The following MAGI1 variants were observed in gnomAD, a reference collection of about 807,000 sequenced individuals.
MAGI1 encodes the protein membrane-associated guanylate kinase, WW and PDZ domain-containing protein 1.
MAGI1 carries 58 observed loss-of-function variants against 139.9 expected under a neutral mutation model. That is an observed-to-expected ratio of 0.41 (90% CI 0.34 to 0.52). The LOEUF (loss-of-function observed/expected upper bound fraction) is 0.52, where lower values mean the gene tolerates loss of function less well. Among genes scored for constraint, MAGI1 ranks in the 20% least tolerant of loss-of-function variants. MAGI1 has a pLI of 0.12. For missense variants in MAGI1, 1,874 were observed against 1,901.6 expected (o/e 0.99, Z 0.27); for synonymous variants, 812 against 737.9 (o/e 1.10, Z -1.63).
intron 1 of MAGI1, among the ~76,000 whole-genome samples, chr3:66,013,873 GATTTGACTGAAGACTT>G (rs1447851503): frequency 1.3e-5 from 2 of 152,034 alleles, no homozygotes; most frequent in South Asian, 2.1e-4. Flanking sequence ...CATCGTCAAT[GATTTGACTGAAGACTT>G]ATTTAAGTAA....
At chr3:65,899,371 A>C (rs1232491027) in intron 1 of MAGI1, among the ~76,000 whole-genome samples, 1 of 152,206 alleles carries the variant, frequency 6.6e-6, no homozygotes, top group African/African-American at 2.4e-5. Flanking sequence ...TCTCTTTACA[A>C]TTCTTACTAA....
chr3:65,956,483 C>G (rs143288498), intron 1 of MAGI1, among the ~76,000 whole-genome samples: 1 of 152,308 alleles, frequency 6.6e-6, no homozygotes, highest in East Asian at 1.9e-4. Context: ...GCCCTTCAAC[C>G]AGGGTTAAAG....
At chr3:65,550,279 T>C (rs1202352994) in intron 2 of MAGI1, among the ~76,000 whole-genome samples, 1 of 152,188 alleles carries the variant, frequency 6.6e-6, no homozygotes, top group East Asian at 1.9e-4. Flanking sequence ...GGTTAAGTAA[T>C]TGCCAAAGGT....
At chr3:65,847,830 T>G (rs2059059270) in intron 1 of MAGI1, among the ~76,000 whole-genome samples, 1 of 152,208 alleles carries the variant, frequency 6.6e-6, no homozygotes. Flanking sequence ...TCAGCCTAAC[T>G]AAGGAATTTG....
chr3:65,840,578 T>C (rs2058770244), intron 1 of MAGI1, among the ~76,000 whole-genome samples: 1 of 152,210 alleles, frequency 6.6e-6, no homozygotes, highest in Non-Finnish European at 1.5e-5. Context: ...GATTTCTAAA[T>C]ACTGAACCAG....
At chr3:65,496,278 A>G (rs1469059888) in intron 2 of MAGI1, among the ~76,000 whole-genome samples, 1 of 151,778 alleles carries the variant, frequency 6.6e-6, no homozygotes, top group East Asian at 1.9e-4. Context: ...CCTGGCTTCA[A>G]GCAGTCCTCC....
chr3:65,501,509 G>C (rs2077082405), intron 2 of MAGI1, among the ~76,000 whole-genome samples: 1 of 142,776 alleles, frequency 7.0e-6, no homozygotes, highest in South Asian at 2.3e-4. Context: ...TAAATACTTA[G>C]CCACCACAAA....
intron 3 of MAGI1, among the ~76,000 whole-genome samples, chr3:65,493,247 G>C (rs183596796): frequency 1.3e-5 from 2 of 152,010 alleles, no homozygotes; most frequent in Admixed American, 1.3e-4. Context: ...GCACATGTCC[G>C]TATTAAAAAC....
intron 1 of MAGI1, among the ~76,000 whole-genome samples, chr3:65,623,001 G>A (rs991532927): frequency 6.6e-6 from 1 of 152,084 alleles, no homozygotes; most frequent in Non-Finnish European, 1.5e-5. Flanking sequence ...GTTGACATTG[G>A]GAGAAAATGT....
rs868758136 is a variant in MAGI1 at position 66,038,267 on chromosome 3, C to T, written c.42G>A (p.Arg14=). ...CCCGCTTCACGGTGCATTCGTGAAC[C>T]CTGCTAGTCCAGTGGTTCTTCTTCT... is the stretch of plus-strand genomic sequence containing the variant. ...VIQKKNHWTS[R]VHECTVKRGP... The change falls in exon 1 of 23, where the codon AGG becomes AGA. Residue 14 remains arginine (R), a synonymous_variant. Coordinates refer to ENST00000402939, the MANE Select transcript of MAGI1 (RefSeq NM_001033057.2). 1.2e-6 allele frequency: 2 copies of T among 1,604,532 alleles called. No homozygotes were observed. The highest frequency in any genetic ancestry group is 1.7e-5 in the Admixed American group (1 of 59,228).
intron 1 of MAGI1, among the ~76,000 whole-genome samples, chr3:66,019,254 C>T (rs2067837126): frequency 6.6e-6 from 1 of 152,120 alleles, no homozygotes; most frequent in African/African-American, 2.4e-5. Flanking sequence ...GCAGGGTTTC[C>T]CAATCTTGCT....
intron 12 of MAGI1, among the ~76,000 whole-genome samples, chr3:65,419,221 T>TACACACACACACAC (rs71102854): frequency 4.6e-4 from 40 of 86,274 alleles, no homozygotes; most frequent in African/African-American, 2.1e-3. Flanking sequence ...AACACATTCA[T>TACACACACACACAC]ACACACACAC....
intron 1 of MAGI1, among the ~76,000 whole-genome samples, chr3:65,923,226 C>CT (rs72035925): frequency 0.71 from 99,005 of 139,680 alleles, 35,820 homozygotes; most frequent in East Asian, 0.93. Flanking sequence ...CAACAGACAT[C>CT]TTTTTTTTTT....
rs2064669726 is a variant in MAGI1, at chr3:65,965,022, GGCATAATTA to G, written c.313+72965_313+72973del. 2.0e-5 allele frequency among the ~76,000 whole-genome samples: 3 copies of G among 152,184 alleles called. 1 individual carries two copies. The South Asian group carries it at 6.2e-4, about 32-fold the overall frequency. ...ACAAGCACATTCGCCAAAGCCCCAA[GGCATAATTA>G]GCCTTGCTCTAAAACTTTCCTAAGT... On this transcript the variant is annotated intron_variant, in intron 1 of 22. Transcript: ENST00000402939.
intron 1 of MAGI1, among the ~76,000 whole-genome samples, chr3:65,837,262 G>C (rs1390237): frequency 0.59 from 90,302 of 152,120 alleles, 27,635 homozygotes; most frequent in East Asian, 0.95. Context: ...CCTGCCTGGC[G>C]CTGCCCACCT....
At chr3:65,817,608 G>C (rs1056219493) in intron 1 of MAGI1, among the ~76,000 whole-genome samples, 2 of 152,180 alleles carry the variant, frequency 1.3e-5, no homozygotes, top group African/African-American at 4.8e-5. Context: ...GATGAAGCCA[G>C]GTTAACAACT....
chr3:65,841,868 C>T (rs1400951440), intron 1 of MAGI1, among the ~76,000 whole-genome samples: 1 of 152,206 alleles, frequency 6.6e-6, no homozygotes, highest in East Asian at 1.9e-4. Context: ...GAATAAAAAA[C>T]CATATTACAA....
chr3:65,738,981 C>T (rs2035024903), intron 1 of MAGI1, among the ~76,000 whole-genome samples: 1 of 152,190 alleles, frequency 6.6e-6, no homozygotes, highest in Non-Finnish European at 1.5e-5. Flanking sequence ...TACCACCTAA[C>T]AAGAGACTGA....
chr3:65,912,917 C>T (rs999589436), intron 1 of MAGI1, among the ~76,000 whole-genome samples: 2 of 152,104 alleles, frequency 1.3e-5, no homozygotes. Context: ...CAGCAAACAA[C>T]CTATCAGACA....
Sources: allele counts gnomAD v4.1 joint callset (sites outside exome capture counted in the v4.1 genomes callset), GRCh38; gene constraint gnomAD v4.1.1; transcripts MANE v1.5; gene names NCBI Gene and HGNC (gene_info 2026-07-23, HGNC 2026-07-21).